Variants in SLC25A32 observed in about 807,000 individuals in gnomAD.
The protein encoded by SLC25A32 is Glycine auxotroph B, complementation of hamster.
Under a neutral mutation model 39.0 loss-of-function variants are expected in SLC25A32, and 32 were observed. The observed-to-expected ratio is 0.82, with a 90% CI of 0.62 to 1.10. SLC25A32 has a LOEUF of 1.10. Ranked by LOEUF, SLC25A32 falls within the 50% of genes least tolerant of loss-of-function variation. SLC25A32 has a pLI of 0.00. For synonymous variants in SLC25A32, 166 were observed against 152.4 expected (o/e 1.09, Z -0.66); for missense variants, 367 against 395.3 (o/e 0.93, Z 0.61).
chr8:103,403,404 T>C, intron 3 of SLC25A32, 80 bp from the exon 4 acceptor site: 2 of 641,906 alleles, frequency 3.1e-6, no homozygotes. Context: ...AACAGTACAT[T>C]TATGTAAAAA....
At chr8:103,405,654 ATTCT>A (rs1477928458) in intron 2 of SLC25A32, among the ~76,000 whole-genome samples, 3 of 150,976 alleles carry the variant, frequency 2.0e-5, no homozygotes, top group African/African-American at 4.9e-5. Flanking sequence ...AAGTGAACAC[ATTCT>A]TTCTTTTTTT....
Position 103,414,770 on chromosome 8 carries a change from G to A in SLC25A32, c.154+14C>T, listed in dbSNP as rs748078750. Reference sequence around the variant, plus strand: ...AGTGAGAGGATGCAGCCCGGTGTCTGGGCGGGCTCTTACCGGCGAAGCGGA... The same window carrying A: ...AGTGAGAGGATGCAGCCCGGTGTCTAGGCGGGCTCTTACCGGCGAAGCGGA... On this transcript the variant is annotated intron_variant, in intron 1 of 6. Coordinates refer to ENST00000297578, the MANE Select transcript of SLC25A32 (RefSeq NM_030780.5). 3.7e-6 allele frequency: 6 copies of A among 1,613,272 alleles called. No individual in the cohort carries two copies. Among genetic ancestry groups the A allele is most frequent in the Non-Finnish European group, 5.1e-6 (6 of 1,179,838 alleles).
rs192383824 is a variant in SLC25A32, at chr8:103,404,678, C to T, written c.391+98G>A. Reference sequence around the variant, plus strand: ...AACTGATTTAATACAGTTAGATGGGCATATTTAAACTCAGGTGTTCAAAGA... The same window carrying T: ...AACTGATTTAATACAGTTAGATGGGTATATTTAAACTCAGGTGTTCAAAGA... On this transcript the variant is annotated intron_variant, in intron 3 of 6. Transcript: ENST00000297578. The T allele has an allele frequency of 1.4e-5, 10 of 692,946 alleles. No homozygotes were observed. In the East Asian group the frequency reaches 2.4e-4, roughly 17 times the overall value. The allele number at this position is 692,946 out of a possible 1,614,324, so 42.9% of individuals were successfully genotyped here.
rs980119366 is a variant in SLC25A32 at position 103,399,532 on chromosome 8, G to A, written c.*879C>T. 4 of 152,216 alleles carry A rather than the reference G, an allele frequency of 2.6e-5. No individual in the cohort carries two copies. Among genetic ancestry groups the A allele is most frequent in the East Asian group, 1.9e-4 (1 of 5,186 alleles). 9.4% of individuals were successfully genotyped at this position (152,216 alleles called of 1,614,324 possible). A position where few individuals can be genotyped will look rare whatever the true frequency, so the allele number is the denominator to read the frequency against. On this transcript the variant is annotated 3_prime_UTR_variant, in exon 7 of 7. Transcript: ENST00000297578. ...AGAAGTATATAGTTTCTCAATTTTC[G>A]CTAGGTAGTGCATCCCAACTGAATT...
At chr8:103,411,755 A>G (rs992743434) in intron 1 of SLC25A32, among the ~76,000 whole-genome samples, 5 of 152,138 alleles carry the variant, frequency 3.3e-5, no homozygotes, top group African/African-American at 1.2e-4. Flanking sequence ...CTGTGCTTCT[A>G]GTCCTGGTCT....
At chr8:103,405,108 A>G (rs1206566756) in intron 2 of SLC25A32, among the ~76,000 whole-genome samples, 1 of 152,180 alleles carries the variant, frequency 6.6e-6, no homozygotes, top group East Asian at 1.9e-4. Flanking sequence ...CTCATCAATT[A>G]ACTTCAAAAG....
Position 103,402,054 on chromosome 8 carries a change from C to T in SLC25A32, c.553G>A (p.Gly185Arg). The T allele has an allele frequency of 6.3e-7, 1 of 1,590,182 alleles. No individual in the cohort carries two copies. The highest frequency in any genetic ancestry group is 2.3e-5 in the East Asian group (1 of 44,314). The change falls in exon 5 of 7, where the codon GGA becomes AGA. Residue 185 changes from glycine (G) to arginine (R), a missense_variant and splice_region_variant. By Grantham distance (125) the Gly-to-Arg change is moderately radical. Coordinates refer to ENST00000297578, the MANE Select transcript of SLC25A32 (RefSeq NM_030780.5). ...GTTCCAAACAGCCCAGGAACAAATCCCTACAAGGGAATGATTTTTAAAAAG... is the reference window on the plus strand; with the variant it reads ...GTTCCAAACAGCCCAGGAACAAATCTCTACAAGGGAATGATTTTTAAAAAG... ...KYEGVRGLYK[G>R]FVPGLFGTSH...
rs141367018 is a variant in SLC25A32, at chr8:103,401,586, C to T, written c.742G>A (p.Val248Ile). The part of the protein sequence containing the change: ...AVAATYPYQV[V>I]RARLQDQHMF... ...TGTTGATCCTGAAGACGAGCTCTTA[C>T]GACTTGATATGGGTATGTTGCTGCG... The change falls in exon 6 of 7, where the codon GTA becomes ATA. Residue 248 changes from valine to isoleucine, a missense_variant. By Grantham distance (29) the Val-to-Ile change is conservative. Transcript: ENST00000297578. 1.6e-4 allele frequency: 254 copies of T among 1,613,754 alleles called. No homozygotes were observed. In the African/African-American group the frequency reaches 2.6e-3, roughly 17 times the overall value.
chr8:103,404,606 A>C (rs570713748), intron 3 of SLC25A32, among the ~76,000 whole-genome samples, 170 bp downstream of exon 3: 5 of 140,490 alleles, frequency 3.6e-5, no homozygotes, highest in Non-Finnish European at 7.8e-5. Flanking sequence ...AAAAAAAAAA[A>C]CCAAAAACCG....
intron 6 of SLC25A32, among the ~76,000 whole-genome samples, chr8:103,401,103 G>T (rs1816209902): frequency 6.6e-6 from 1 of 152,192 alleles, no homozygotes; most frequent in South Asian, 2.1e-4. Flanking sequence ...GTCTCATACT[G>T]AAGAACAAAC....
At chr8:103,403,383 C>T in intron 3 of SLC25A32, 59 bp from the exon 4 acceptor site, 2 of 918,196 alleles carry the variant, frequency 2.2e-6, no homozygotes, top group South Asian at 2.7e-5. Context: ...CTTATGACAA[C>T]CCAAATTAGA....
intron 1 of SLC25A32, among the ~76,000 whole-genome samples, chr8:103,408,391 C>A (rs192332979): frequency 2.2e-3 from 328 of 152,248 alleles, no homozygotes; most frequent in African/African-American, 7.4e-3. Flanking sequence ...TAGATTAGCT[C>A]TTAATCCAAA....
chr8:103,401,051 T>G (rs1009946138), intron 6 of SLC25A32, among the ~76,000 whole-genome samples: 7 of 152,202 alleles, frequency 4.6e-5, no homozygotes, highest in Admixed American at 3.3e-4. Flanking sequence ...CCTTTAGAAT[T>G]AAAGGGAAAT....
At chr8:103,407,972 T>TATATATATAAATATATATATATAA (rs1217096724) in intron 1 of SLC25A32, among the ~76,000 whole-genome samples, 188 bp from the exon 2 acceptor site, 6 of 146,588 alleles carry the variant, frequency 4.1e-5, no homozygotes, top group Non-Finnish European at 7.5e-5. Flanking sequence ...TATATATATA[T>TATATATATAAATATATATATATAA]AAATATGTAA....
At chr8:103,403,373 CT>C in intron 3 of SLC25A32, 49 bp from the exon 4 acceptor site, 1 of 940,784 alleles carries the variant, frequency 1.1e-6, no homozygotes, top group Non-Finnish European at 1.5e-6. Context: ...TACTTTCGCA[CT>C]TATGACAACC....
chr8:103,402,549 T>A, intron 4 of SLC25A32: 1 of 152,172 alleles, frequency 6.6e-6, no homozygotes, highest in East Asian at 1.9e-4. Context: ...AAACTGAAAT[T>A]CAATGTGTCT....
intron 1 of SLC25A32, 104 bp downstream of exon 1, chr8:103,414,680 G>C (rs5893653): frequency 1.1e-5 from 5 of 465,182 alleles, no homozygotes; most frequent in Non-Finnish European, 3.0e-6. Context: ...GGACAGCAAC[G>C]CTCCCTTCAA....
At position 103,399,294 on chromosome 8, in the gene SLC25A32, A is replaced by G. The variant is rs1048515878; in HGVS notation, c.*1117T>C. On this transcript the variant is annotated 3_prime_UTR_variant, in exon 7 of 7. Coordinates refer to ENST00000297578, the MANE Select transcript of SLC25A32 (RefSeq NM_030780.5). ...TTTCAGCATCTGTAAAAGGTGATCT[A>G]TTTAGCATCTGTAATAAGTGATTTA... 6.6e-6 allele frequency: 1 copy of G among 152,242 alleles called. No individual in the cohort carries two copies. Among genetic ancestry groups the G allele is most frequent in the African/African-American group, 2.4e-5 (1 of 41,466 alleles). 9.4% of individuals were successfully genotyped at this position (152,242 alleles called of 1,614,324 possible).
intron 1 of SLC25A32, 47 bp downstream of exon 1, chr8:103,414,737 G>C (rs779454169): frequency 2.7e-5 from 43 of 1,609,814 alleles, no homozygotes; most frequent in South Asian, 7.7e-5. Flanking sequence ...GATCCAGTTC[G>C]GGCTGACAGT....
Sources: gnomAD v4.1 joint callset for allele counts (sites outside exome capture counted in the v4.1 genomes callset) on GRCh38, gnomAD v4.1.1 for gene constraint, MANE v1.5 for transcripts, NCBI Gene and HGNC (gene_info 2026-07-23, HGNC 2026-07-21) for gene names.